The following FRMD4B variants were observed in gnomAD, a reference collection of about 807,000 sequenced individuals.
FRMD4B encodes FERM domain containing 4B.
FRMD4B carries 74 observed loss-of-function variants against 141.5 expected under a neutral mutation model. The ratio of observed to expected loss-of-function variants is 0.52; its 90% CI spans 0.43 to 0.63. FRMD4B has a LOEUF of 0.63. Among genes scored for constraint, FRMD4B ranks in the 30% least tolerant of loss-of-function variants. The pLI, the probability that FRMD4B is intolerant of heterozygous loss-of-function variation, is 0.00. For missense variants in FRMD4B, 1,366 were observed against 1,253.4 expected (o/e 1.09, Z -1.36); for synonymous variants, 506 against 467.9 (o/e 1.08, Z -1.05).
At position 69,467,786 on chromosome 3, in the gene FRMD4B, C is replaced by CG. The variant is rs374977094; in HGVS notation, c.-128-35026dup. On this transcript the variant is annotated intron_variant, in intron 1 of 5. Transcript: ENST00000459638. The stretch of plus-strand genomic sequence containing the variant: ...CTCCTGATCATGACTCGTTTAGGTA[C>CG]GGGTACAGAATCCATGCTAGGTAAA... 1.9e-4 allele frequency among the ~76,000 whole-genome samples: 29 copies of CG among 152,066 alleles called. No individual in the cohort carries two copies. In the East Asian group the frequency reaches 5.6e-3, roughly 29 times the overall value.
chr3:69,519,564 T>C (rs985388253), intron 1 of FRMD4B, among the ~76,000 whole-genome samples: 3 of 152,190 alleles, frequency 2.0e-5, no homozygotes, highest in Non-Finnish European at 4.4e-5. Flanking sequence ...ATCTTCTATT[T>C]TCTCTACCTA....
At position 69,426,321 on chromosome 3, in the gene FRMD4B, C is replaced by CGTGTGT. The variant is rs55653336; in HGVS notation, c.-1+6307_-1+6312dup. 3.1e-3 allele frequency among the ~76,000 whole-genome samples: 466 copies of CGTGTGT among 149,812 alleles called. 3 individuals carry two copies. The highest frequency in any genetic ancestry group is 6.9e-3 in the African/African-American group (282 of 40,952). On this transcript the variant is annotated intron_variant, in intron 2 of 5. Transcript: ENST00000459638. Reference sequence around the variant, plus strand: ...TGGATTTGAAACAAACTTTTAAAAGCGTGTGTGTGTGTGTGTGTGTGCATG... The same window carrying CGTGTGT: ...TGGATTTGAAACAAACTTTTAAAAGCGTGTGTGTGTGTGTGTGTGTGTGTGTGCATG...
intron 7 of FRMD4B, among the ~76,000 whole-genome samples, chr3:69,242,886 C>T (rs1390017023): frequency 2.7e-5 from 4 of 147,240 alleles, no homozygotes; most frequent in Non-Finnish European, 5.9e-5. Flanking sequence ...CCCAGTTACT[C>T]GGGAGGCTGA....
At position 69,276,592 on chromosome 3, in the gene FRMD4B, G is replaced by T. The variant is rs369456266; in HGVS notation, c.501+11160C>A. On this transcript the variant is annotated intron_variant, in intron 5 of 22. Coordinates refer to ENST00000398540, the MANE Select transcript of FRMD4B (RefSeq NM_015123.3). The stretch of plus-strand genomic sequence containing the variant: ...TCATTTTAATGGAAATGGCCAAATT[G>T]CCTTCCTAAACTGCATTGGCTTTCA... 9.7e-4 allele frequency among the ~76,000 whole-genome samples: 147 copies of T among 152,234 alleles called. 2 individuals carry two copies. Among genetic ancestry groups the T allele is most frequent in the African/African-American group, 3.3e-3 (138 of 41,528 alleles).
At chr3:69,372,082 A>T (rs900475205) in intron 1 of FRMD4B, among the ~76,000 whole-genome samples, 5 of 152,102 alleles carry the variant, frequency 3.3e-5, no homozygotes, top group Non-Finnish European at 7.4e-5. Flanking sequence ...TTCCTACAAC[A>T]TCCTAAGGTC....
intron 1 of FRMD4B, among the ~76,000 whole-genome samples, chr3:69,328,607 A>G (rs937669467): frequency 3.3e-4 from 50 of 152,320 alleles, no homozygotes; most frequent in African/African-American, 1.1e-3. Context: ...CTCAGCTGAT[A>G]AAACAGGACA....
intron 2 of FRMD4B, among the ~76,000 whole-genome samples, chr3:69,404,974 A>G (rs1232418284): frequency 6.6e-6 from 1 of 152,244 alleles, no homozygotes; most frequent in Non-Finnish European, 1.5e-5. Context: ...CCAATAGCCT[A>G]GAAGAGAAAT....
Position 69,171,135 on chromosome 3 carries a change from T to C in FRMD4B, c.*726A>G, listed in dbSNP as rs1363777819. The stretch of plus-strand genomic sequence containing the variant: ...CATGATATTGTACCTTAGAATGTTC[T>C]CCAAGCAGACTTTGTCAATTATTCA... On this transcript the variant is annotated 3_prime_UTR_variant, in exon 23 of 23. Transcript: ENST00000398540. 2 of 152,226 alleles carry C rather than the reference T, an allele frequency of 1.3e-5. No individual in the cohort carries two copies. Among genetic ancestry groups the C allele is most frequent in the Non-Finnish European group, 2.9e-5 (2 of 68,046 alleles). The allele number at this position is 152,226 out of a possible 1,614,324, so 9.4% of individuals were successfully genotyped here.
chr3:69,503,196 A>G (rs1399042416), intron 1 of FRMD4B, among the ~76,000 whole-genome samples: 5 of 152,194 alleles, frequency 3.3e-5, no homozygotes, highest in African/African-American at 1.2e-4. Context: ...TATATACCCA[A>G]AGGATTATAA....
chr3:69,390,741 A>C (rs1404039926), upstream of FRMD4B, among the ~76,000 whole-genome samples: 1 of 152,068 alleles, frequency 6.6e-6, no homozygotes, highest in East Asian at 1.9e-4. Context: ...AAAGTAACAA[A>C]AATTAGCCGG....
At chr3:69,336,873 G>A (rs1020526738) in intron 1 of FRMD4B, among the ~76,000 whole-genome samples, 3 of 152,188 alleles carry the variant, frequency 2.0e-5, no homozygotes, top group Admixed American at 1.3e-4. Flanking sequence ...GAACCTGGGA[G>A]GCAGAGGTTG....
At chr3:69,196,635 G>A (rs2092908247) in intron 13 of FRMD4B, 1 of 574,312 alleles carries the variant, frequency 1.7e-6, no homozygotes, top group East Asian at 3.0e-5. Flanking sequence ...ACTTTGAAGT[G>A]TCACCGGCAA....
chr3:69,490,501 A>G (rs1395209958), intron 1 of FRMD4B, among the ~76,000 whole-genome samples: 2 of 151,996 alleles, frequency 1.3e-5, no homozygotes, highest in Admixed American at 1.3e-4. Context: ...GCTTCCTTCT[A>G]CTTGAAACCT....
chr3:69,477,910 A>G (rs1402717282), intron 1 of FRMD4B, among the ~76,000 whole-genome samples: 1 of 152,016 alleles, frequency 6.6e-6, no homozygotes, highest in Non-Finnish European at 1.5e-5. Context: ...CAGAGATTCA[A>G]CTTCTTCCTG....
chr3:69,356,615 G>GTA (rs1703330932), intron 1 of FRMD4B, among the ~76,000 whole-genome samples: 1 of 147,684 alleles, frequency 6.8e-6, no homozygotes. Flanking sequence ...ATACACACAC[G>GTA]TATATATACA....
intron 1 of FRMD4B, among the ~76,000 whole-genome samples, chr3:69,504,458 AG>A (rs1268483862): frequency 6.6e-6 from 1 of 152,120 alleles, no homozygotes. Flanking sequence ...ACCTACACCG[AG>A]TGTAGTCATC....
chr3:69,190,230 A>G (rs1252426862), intron 17 of FRMD4B, among the ~76,000 whole-genome samples: 1 of 152,208 alleles, frequency 6.6e-6, no homozygotes, highest in East Asian at 1.9e-4. Context: ...TGTTTCTTCT[A>G]CACTGGAATA....
At chr3:69,344,793 TACA>T (rs745674236) in intron 1 of FRMD4B, among the ~76,000 whole-genome samples, 10 of 152,110 alleles carry the variant, frequency 6.6e-5, no homozygotes, top group Non-Finnish European at 1.3e-4. Context: ...AAAGAATAAG[TACA>T]ACGTCTGCAG....
intron 11 of FRMD4B, among the ~76,000 whole-genome samples, chr3:69,215,195 T>TA (rs1251759315): frequency 1.3e-5 from 2 of 149,756 alleles, no homozygotes; most frequent in Admixed American, 6.7e-5. Flanking sequence ...TGAATTTTTT[T>TA]AAAAAAACAG....
Sources: allele counts gnomAD v4.1 joint callset (sites outside exome capture counted in the v4.1 genomes callset), GRCh38; gene constraint gnomAD v4.1.1; transcripts MANE v1.5; gene names NCBI Gene and HGNC (gene_info 2026-07-23, HGNC 2026-07-21).